The following MTTP variants were observed in gnomAD, a reference collection of about 807,000 sequenced individuals.
The protein encoded by MTTP is microsomal triglyceride transfer protein.
Under a neutral mutation model 90.6 loss-of-function variants are expected in MTTP, and 49 were observed. The observed-to-expected ratio is 0.54, with a 90% confidence interval of 0.43 to 0.69. The LOEUF (loss-of-function observed/expected upper bound fraction) is 0.69. MTTP is among the 30% of genes least tolerant of loss of function. The pLI, the probability that MTTP is intolerant of heterozygous loss-of-function variation, is 0.00. For synonymous variants in MTTP, 347 were observed against 384.2 expected, an observed-to-expected ratio of 0.90 and a Z score of 1.13; for missense variants, 945 against 1,067.5, an observed-to-expected ratio of 0.89 and a Z score of 1.60.
chr4:99,580,305 C>T (rs1022231972), intron 1 of MTTP, among the ~76,000 whole-genome samples: 3 of 151,248 alleles, frequency 2.0e-5, no homozygotes, highest in Non-Finnish European at 2.9e-5. Context: ...TCCAGCCAGA[C>T]GTGGTAGCTC....
At position 99,591,305 on chromosome 4, in the gene MTTP, T is replaced by C; in HGVS notation, c.572T>C (p.Leu191Ser). The change falls in exon 5 of 18, where the codon TTG becomes TCG. Residue 191 changes from leucine to serine, a missense_variant. Transcript: ENST00000265517. ...GACAAAGTGATCAAAATTAAGGCCT[T>C]GGATTCATGCAAAATAGCGAGGTCT... ...HQDKVIKIKA[L>S]DSCKIARSGF... is the part of the protein sequence containing the mutation. 1 of 1,614,006 alleles carries C rather than the reference T, an allele frequency of 6.2e-7. No homozygotes were observed. The highest frequency in any genetic ancestry group is 8.5e-7 in the Non-Finnish European group (1 of 1,179,884).
chr4:99,608,570 G>C (rs1269619101), intron 11 of MTTP, among the ~76,000 whole-genome samples, 196 bp from the exon 12 acceptor site: 3 of 152,222 alleles, frequency 2.0e-5, no homozygotes, highest in Admixed American at 6.5e-5. Context: ...CCTCAGCCTA[G>C]AAGTGATCCT....
intron 14 of MTTP, 57 bp downstream of exon 14, chr4:99,611,510 T>C: frequency 1.9e-6 from 3 of 1,593,276 alleles, no homozygotes; most frequent in Non-Finnish European, 2.6e-6. Flanking sequence ...CAGGCTGAGG[T>C]AAAATAAAAC....
chr4:99,583,473 G>C lies in MTTP; in HGVS notation c.349G>C (p.Glu117Gln). ...PSKIMGKENL[E>Q]ALQRPTLLHL... ...TAAAATAATGGGAAAGGAAAACTTG[G>C]AAGCTCTGCAAAGACCTACGCTCCT... Residue 117 changes from glutamate to glutamine, a missense_variant, in exon 3 of 18, where the codon GAA (glutamate) becomes CAA (glutamine). By Grantham distance (29) the Glu-to-Gln change is conservative. Transcript: ENST00000265517. 1 of 1,613,640 alleles carries C rather than the reference G, an allele frequency of 6.2e-7. No individual in the cohort carries two copies. Among genetic ancestry groups the C allele is most frequent in the Non-Finnish European group, 8.5e-7 (1 of 1,179,806 alleles).
chr4:99,564,516 T>TA (rs1306885515), intron 1 of MTTP: 3 of 351,054 alleles, frequency 8.5e-6, no homozygotes, highest in Non-Finnish European at 1.6e-5. Flanking sequence ...CTTTACTCTT[T>TA]ATTCATTCCT....
chr4:99,588,976 T>TAC (rs36037484), intron 3 of MTTP, among the ~76,000 whole-genome samples: 1 of 1,458 alleles, frequency 6.9e-4, no homozygotes, highest in Non-Finnish European at 1.0e-3. Flanking sequence ...TTCATATATA[T>TAC]ACACACATAT....
chr4:99,605,858 C>T (rs1242928296), intron 10 of MTTP, among the ~76,000 whole-genome samples: 3 of 99,994 alleles, frequency 3.0e-5, no homozygotes, highest in Non-Finnish European at 3.8e-5. Flanking sequence ...CCATTCTCCC[C>T]AACCCCATGT....
At chr4:99,585,545 A>G (rs553464510) in intron 3 of MTTP, among the ~76,000 whole-genome samples, 170 of 152,244 alleles carry the variant, frequency 1.1e-3, no homozygotes, top group African/African-American at 3.9e-3. Flanking sequence ...ACAACAAGAA[A>G]TATTGTTATT....
intron 1 of MTTP, 147 bp downstream of exon 1, chr4:99,575,117 G>A (rs2039160999): frequency 1.1e-6 from 1 of 941,152 alleles, no homozygotes; most frequent in Non-Finnish European, 1.7e-6. Context: ...TGGAATGTTT[G>A]TGAAAGCATG....
intron 7 of MTTP, among the ~76,000 whole-genome samples, chr4:99,596,268 G>C (rs1725549866): frequency 6.6e-6 from 1 of 152,088 alleles, no homozygotes; most frequent in Non-Finnish European, 1.5e-5. Flanking sequence ...GAGTTAGAGA[G>C]TTAGTAGTCA....
chr4:99,608,466 C>T (rs1255323041), intron 11 of MTTP, among the ~76,000 whole-genome samples: 5 of 152,164 alleles, frequency 3.3e-5, no homozygotes, highest in Non-Finnish European at 5.9e-5. Context: ...GTTTATTTCT[C>T]AGGCTATGCC....
Position 99,600,480 on chromosome 4 carries a change from C to T in MTTP, c.1068-85C>T, listed in dbSNP as rs17533517. On this transcript the variant is annotated intron_variant, in intron 8 of 17. Transcript: ENST00000265517. ...AAATCACTTCTTGAGAAAACTCAAACCAATAGAAACTCTGTGAATGGTAGA... is the reference window on the plus strand; with the variant it reads ...AAATCACTTCTTGAGAAAACTCAAATCAATAGAAACTCTGTGAATGGTAGA... 0.11 allele frequency: 153,521 copies of T among 1,373,512 alleles called. 9,687 individuals are homozygous for T. Among genetic ancestry groups the T allele is most frequent in the Middle Eastern group, 0.19 (844 of 4,514 alleles). The allele number at this position is 1,373,512 out of a possible 1,614,324, so 85.1% of individuals were successfully genotyped here.
chr4:99,567,794 C>T (rs968460121), intron 1 of MTTP, among the ~76,000 whole-genome samples: 1 of 152,068 alleles, frequency 6.6e-6, no homozygotes, highest in Admixed American at 6.6e-5. Flanking sequence ...TATGAAGACA[C>T]GTGTGTCATT....
chr4:99,608,927 A>C lies in MTTP; in HGVS notation c.1719A>C (p.Lys573Asn). 6.2e-7 allele frequency: 1 copy of C among 1,614,188 alleles called. No individual in the cohort carries two copies. Among genetic ancestry groups the C allele is most frequent in the Non-Finnish European group, 8.5e-7 (1 of 1,180,028 alleles). ...SIGELPQEMN[K>N]YMLAIVQDIL... ...GGGAGCTTCCCCAAGAAATGAATAA[A>C]TACATGCTCGCCATTGTTCAAGACA... Residue 573 changes from lysine to asparagine, a missense_variant, in exon 12 of 18, where the codon AAA becomes AAC. Lys to Asn is a moderately conservative substitution (Grantham distance 94, BLOSUM62 0). Transcript: ENST00000265517.
At chr4:99,586,709 A>C (rs963337472) in intron 3 of MTTP, among the ~76,000 whole-genome samples, 1 of 152,048 alleles carries the variant, frequency 6.6e-6, no homozygotes, top group Non-Finnish European at 1.5e-5. Context: ...TTGGCCACTT[A>C]ATGGAATTTA....
rs1560614633 is a variant in MTTP, at chr4:99,583,417, A to G, written c.293A>G (p.Glu98Gly). The G allele has an allele frequency of 3.1e-6, 5 of 1,613,434 alleles. No homozygotes were observed. In the East Asian group the frequency reaches 1.1e-4, roughly 36 times the overall value. ...NVENVNQQRG[E>G]KSIFKGKSPS... is the part of the protein sequence containing the mutation. ...GAAAATGTGAATCAGCAGAGAGGAG[A>G]GAAGAGCATCTTCAAAGGAAAAAGC... Residue 98 changes from glutamate to glycine, a missense_variant, in exon 3 of 18, where the codon GAG becomes GGG. Coordinates refer to ENST00000265517, the MANE Select transcript of MTTP (RefSeq NM_001386140.1).
At chr4:99,618,829 G>A (rs1726161401) in intron 15 of MTTP, 145 bp from the exon 16 acceptor site, 10 of 1,086,270 alleles carry the variant, frequency 9.2e-6, no homozygotes, top group Non-Finnish European at 1.1e-5. Flanking sequence ...AGGACAGCAT[G>A]TTTCCAAGCC....
In MTTP at chr4:99,608,877, G is replaced by A. The variant is rs756990853; in HGVS notation, c.1669G>A (p.Val557Ile). The A allele has an allele frequency of 1.5e-5, 25 of 1,614,008 alleles. No individual in the cohort carries two copies. Among genetic ancestry groups the A allele is most frequent in the Non-Finnish European group, 1.9e-5 (22 of 1,180,000 alleles). Residue 557 changes from valine (V) to isoleucine (I), a missense_variant, in exon 12 of 18, where the codon GTC becomes ATC. Physicochemically the swap from Val to Ile is conservative, Grantham distance 29 (BLOSUM62 3). Coordinates refer to ENST00000265517, the MANE Select transcript of MTTP (RefSeq NM_001386140.1). ...AAATAACAATCCATCCTACATGGAC[G>A]TCAAGAACATCCTGCTGTCTATTGG... ...ILNNNPSYMD[V>I]KNILLSIGEL...
At chr4:99,595,848 A>T (rs2903202) in intron 7 of MTTP, among the ~76,000 whole-genome samples, 15,855 of 151,894 alleles carry the variant, frequency 0.1, 998 homozygotes, top group Middle Eastern at 0.2. Flanking sequence ...ATAAAACTAA[A>T]CTTTTCTTAT....
Sources: allele counts gnomAD v4.1 joint callset (sites outside exome capture counted in the v4.1 genomes callset), GRCh38; gene constraint gnomAD v4.1.1; transcripts MANE v1.5; gene names NCBI Gene and HGNC (gene_info 2026-07-23, HGNC 2026-07-21).